DSCAM: variants seen among roughly 807,000 people sequenced by gnomAD.
DSCAM encodes the protein DS cell adhesion molecule.
DSCAM carries 47 observed loss-of-function variants against 217.7 expected under a neutral mutation model. The ratio of observed to expected loss-of-function variants is 0.22; its 90% CI spans 0.17 to 0.28. The LOEUF is 0.28. DSCAM is among the 10% of genes least tolerant of loss of function. The pLI is 1.00. For missense variants in DSCAM, 2,080 were observed against 2,618.3 expected (o/e 0.79, Z 4.49); for synonymous variants, 1,056 against 1,015.3 (o/e 1.04, Z -0.76).
intron 3 of DSCAM, among the ~76,000 whole-genome samples, chr21:40,452,237 T>TACAC (rs71186937): frequency 0.17 from 24,372 of 144,312 alleles, 2,199 homozygotes; most frequent in African/African-American, 0.23. Flanking sequence ...TACACTATAT[T>TACAC]ACACACACAC....
chr21:40,529,430 A>G (rs2076426023), intron 3 of DSCAM, among the ~76,000 whole-genome samples: 1 of 152,194 alleles, frequency 6.6e-6, no homozygotes, highest in African/African-American at 2.4e-5. Flanking sequence ...GCTTGTGTTT[A>G]TTAGGAGCAA....
At chr21:40,374,059 C>T (rs967141770) in intron 3 of DSCAM, among the ~76,000 whole-genome samples, 3 of 83,830 alleles carry the variant, frequency 3.6e-5, no homozygotes, top group Non-Finnish European at 7.1e-5. Flanking sequence ...AATTTCAAAT[C>T]ACAAAAAAAG....
chr21:40,364,449 G>GTA (rs1406869817), intron 4 of DSCAM, among the ~76,000 whole-genome samples: 9 of 147,536 alleles, frequency 6.1e-5, no homozygotes, highest in Non-Finnish European at 1.0e-4. Context: ...AACACCGCAT[G>GTA]TTCTCACTCA....
intron 3 of DSCAM, among the ~76,000 whole-genome samples, chr21:40,427,521 T>C (rs1025790543): frequency 2.7e-4 from 41 of 152,176 alleles, no homozygotes; most frequent in African/African-American, 9.9e-4. Context: ...GTAGAAGAGA[T>C]TTGCCAAACA....
intron 11 of DSCAM, among the ~76,000 whole-genome samples, chr21:40,259,712 C>T (rs1364373949): frequency 2.7e-5 from 3 of 111,380 alleles, no homozygotes; most frequent in Non-Finnish European, 5.1e-5. Context: ...CTCGCTCTGT[C>T]GCCCAGGCTG....
intron 3 of DSCAM, among the ~76,000 whole-genome samples, chr21:40,460,401 G>A (rs2075797110): frequency 6.6e-6 from 1 of 152,042 alleles, no homozygotes; most frequent in African/African-American, 2.4e-5. Context: ...ACAAAAATAT[G>A]GGAAATTTTG....
At chr21:40,088,263 T>C (rs909142376) in intron 21 of DSCAM, among the ~76,000 whole-genome samples, 2 of 152,104 alleles carry the variant, frequency 1.3e-5, no homozygotes, top group Admixed American at 6.5e-5. Context: ...AGCCTTGAAC[T>C]GATTCAGAGC....
chr21:40,332,976 A>C (rs1476114557), intron 8 of DSCAM, among the ~76,000 whole-genome samples: 1 of 152,200 alleles, frequency 6.6e-6, no homozygotes, highest in Non-Finnish European at 1.5e-5. Context: ...GGACAAGATA[A>C]CAATAATTTG....
Position 40,109,127 on chromosome 21 carries a change from GCAA to G in DSCAM, c.3696+15065_3696+15067del, listed in dbSNP as rs1162090772. Among the ~76,000 whole-genome samples the G allele has an allele frequency of 3.3e-5, 5 of 152,224 alleles. No homozygotes were observed. In the South Asian group the frequency reaches 6.2e-4, roughly 19 times the overall value. On this transcript the variant is annotated intron_variant, in intron 20 of 32. Transcript: ENST00000400454. ...ATGATGAAGACACCAAAAGCAATTC[GCAA>G]CAACAACAAAAATGGACAAATGGGA...
chr21:40,067,104 C>T (rs2089216896), intron 27 of DSCAM, among the ~76,000 whole-genome samples: 1 of 152,286 alleles, frequency 6.6e-6, no homozygotes, highest in Non-Finnish European at 1.5e-5. Context: ...AGAACATTTA[C>T]CCTACCCTAC....
At chr21:40,743,751 C>G (rs2091148039) in intron 1 of DSCAM, among the ~76,000 whole-genome samples, 1 of 152,120 alleles carries the variant, frequency 6.6e-6, no homozygotes, top group East Asian at 1.9e-4. Context: ...GGAATTCTCC[C>G]TATCATTTCT....
At chr21:40,589,652 C>T (rs1568924655) in intron 3 of DSCAM, among the ~76,000 whole-genome samples, 1 of 152,156 alleles carries the variant, frequency 6.6e-6, no homozygotes, top group Admixed American at 6.5e-5. Flanking sequence ...TATAAGGTAT[C>T]ATAACTAAGG....
chr21:40,549,901 G>A (rs2076615785), intron 3 of DSCAM, among the ~76,000 whole-genome samples: 1 of 152,178 alleles, frequency 6.6e-6, no homozygotes, highest in South Asian at 2.1e-4. Context: ...TCAACAGGTT[G>A]CTGTATCCTT....
At chr21:40,437,508 G>A (rs891185415) in intron 3 of DSCAM, among the ~76,000 whole-genome samples, 2 of 152,126 alleles carry the variant, frequency 1.3e-5, no homozygotes, top group African/African-American at 2.4e-5. Flanking sequence ...TGCAAGGGAG[G>A]CATTGAGGAA....
At chr21:40,078,584 T>A (rs439535) in intron 26 of DSCAM, 103 bp downstream of exon 26, 1 of 1,467,180 alleles carries the variant, frequency 6.8e-7, no homozygotes, top group African/African-American at 1.4e-5. Context: ...CCGTGGGCAC[T>A]GGTCAAACTA....
At chr21:40,151,303 A>T (rs1180086696) in intron 16 of DSCAM, among the ~76,000 whole-genome samples, 1 of 152,070 alleles carries the variant, frequency 6.6e-6, no homozygotes, top group Non-Finnish European at 1.5e-5. Flanking sequence ...CTTCCAGCTC[A>T]CCAGGGCTCT....
chr21:40,191,314 T>C (rs1477302344), intron 11 of DSCAM, among the ~76,000 whole-genome samples: 1 of 152,066 alleles, frequency 6.6e-6, no homozygotes, highest in African/African-American at 2.4e-5. Flanking sequence ...GCACTGACCG[T>C]GTAATAAGAT....
chr21:40,506,030 C>T (rs1001679701), intron 3 of DSCAM, among the ~76,000 whole-genome samples: 4 of 152,148 alleles, frequency 2.6e-5, no homozygotes, highest in African/African-American at 9.7e-5. Context: ...CAAAGTGAAC[C>T]ACGGATATGA....
rs753647645 is a variant in DSCAM at position 40,055,837 on chromosome 21, C to T, written c.4923G>A (p.Lys1641=). The T allele has an allele frequency of 1.9e-6, 3 of 1,611,950 alleles. No homozygotes were observed. The highest frequency in any genetic ancestry group is 2.5e-6 in the Non-Finnish European group (3 of 1,178,116). The stretch of plus-strand genomic sequence containing the variant: ...TTAACGTATCTGAAGTCCGGGTATT[C>T]TTACTGGGAATAAAATGGGGTAATG... The part of the protein sequence containing the change: ...AKSLAEMLMS[K]NTRTSDTLSK... Residue 1641 remains lysine (K), a synonymous_variant, in exon 29 of 33, where the codon AAG becomes AAA. Transcript: ENST00000400454.
Sources: allele counts gnomAD v4.1 joint callset (sites outside exome capture counted in the v4.1 genomes callset), GRCh38; gene constraint gnomAD v4.1.1; transcripts MANE v1.5; gene names NCBI Gene and HGNC (gene_info 2026-07-23, HGNC 2026-07-21).